G6PC3: variants seen among roughly 807,000 people sequenced by gnomAD.
G6PC3 encodes the protein glucose-6-phosphatase catalytic subunit 3, also known as glucose-6-phosphatase 3.
A neutral mutation model predicts 38.6 loss-of-function variants in G6PC3; 30 were observed. The ratio of observed to expected loss-of-function variants is 0.78; its 90% CI spans 0.58 to 1.05. G6PC3 has a LOEUF of 1.05. Among genes scored for constraint, G6PC3 ranks in the 50% least tolerant of loss-of-function variants. The pLI is 0.00. For missense variants in G6PC3, 377 were observed against 443.1 expected (o/e 0.85, Z 1.34); for synonymous variants, 192 against 178.1 (o/e 1.08, Z -0.62).
At position 44,074,178 on chromosome 17, in the gene G6PC3, G is replaced by A. The variant is rs1468267643; in HGVS notation, c.237G>A (p.Arg79=). The change falls in exon 2 of 6, where the codon AGG becomes AGA. Residue 79 remains arginine, a synonymous_variant. Transcript: ENST00000269097. ...LIFKWFLFGD[R]PFWWVHESGY... ...CTTCCAGGTTTCTTTTTGGAGACAGGCCCTTTTGGTGGGTCCATGAGTCTG... is the reference window on the plus strand; with the variant it reads ...CTTCCAGGTTTCTTTTTGGAGACAGACCCTTTTGGTGGGTCCATGAGTCTG... The A allele has an allele frequency of 1.9e-6, 3 of 1,613,440 alleles. No individual in the cohort carries two copies. The highest frequency in any genetic ancestry group is 3.3e-5 in the Admixed American group (2 of 59,970).
At chr17:44,074,320 C>A in intron 2 of G6PC3, 54 bp downstream of exon 2, 1 of 1,361,220 alleles carries the variant, frequency 7.3e-7, no homozygotes, top group Non-Finnish European at 1.1e-6. Context: ...TTCGGGTGAA[C>A]ATTTCAGAGT....
intron 1 of G6PC3, chr17:44,073,679 C>G (rs1271039797): frequency 1.1e-5 from 2 of 184,710 alleles, no homozygotes; most frequent in East Asian, 1.4e-4. Context: ...CCAGGCTATT[C>G]TCGAACTCCT....
rs145419406 is a variant in G6PC3 at position 44,075,032 on chromosome 17, G to A, written c.480G>A (p.Ser160=). The part of the protein sequence containing the change: ...YCTFLLAVGL[S]RIFILAHFPH... ...CCTTCCTTTTGGCGGTTGGCTTGTC[G>A]CGAATCTTCATCTTAGCACATTTCC... The change falls in exon 4 of 6, where the codon TCG becomes TCA. Residue 160 remains serine (S), a synonymous_variant. Transcript: ENST00000269097. 21 of 1,614,128 alleles carry A rather than the reference G, an allele frequency of 1.3e-5. No homozygotes were observed. In the East Asian group the frequency reaches 2.2e-4, roughly 17 times the overall value.
chr17:44,071,436 G>A (rs904983818), intron 1 of G6PC3: 60 of 655,142 alleles, frequency 9.2e-5, no homozygotes, highest in Non-Finnish European at 1.3e-4. Context: ...TGTCTAAAAT[G>A]TAAATATCCC....
rs1445690474 is a variant in G6PC3 at position 44,071,049 on chromosome 17, G to C, written c.84G>C (p.Trp28Cys). The C allele has an allele frequency of 1.2e-6, 2 of 1,604,942 alleles. No homozygotes were observed. The highest frequency in any genetic ancestry group is 2.7e-5 in the African/African-American group (2 of 74,810). ...CCTGGCTGGAGAACGTGTGGCTCTGGATCACCTTTCTGGGCGATCCCAAGA... is the reference window on the plus strand; with the variant it reads ...CCTGGCTGGAGAACGTGTGGCTCTGCATCACCTTTCTGGGCGATCCCAAGA... ...QLAWLENVWL[W>C]ITFLGDPKIL... is the part of the protein sequence containing the mutation. Residue 28 changes from tryptophan to cysteine, a missense_variant, in exon 1 of 6, where the codon TGG (tryptophan) becomes TGC (cysteine). Trp to Cys is a radical substitution (Grantham distance 215). Transcript: ENST00000269097.
Position 44,074,555 on chromosome 17 carries a change from T to C in G6PC3, c.326-125T>C, listed in dbSNP as rs2050039106. 18 of 829,816 alleles carry C rather than the reference T, an allele frequency of 2.2e-5. No homozygotes were observed. The South Asian group carries it at 2.5e-4, about 12-fold the overall frequency. 51.4% of individuals were successfully genotyped at this position (829,816 alleles called of 1,614,324 possible). Reference sequence around the variant, plus strand: ...AAAAAGGCCTCAGAGCAGAGCGAGTTATGAATCAGTGCTGGGGAAAAGCTC... The same window carrying C: ...AAAAAGGCCTCAGAGCAGAGCGAGTCATGAATCAGTGCTGGGGAAAAGCTC... On this transcript the variant is annotated intron_variant, in intron 2 of 5. Transcript: ENST00000269097.
In G6PC3 at chr17:44,071,149, C is replaced by G; in HGVS notation, c.184C>G (p.Leu62Val). Residue 62 changes from leucine (L) to valine (V), a missense_variant, in exon 1 of 6, where the codon CTC (leucine) becomes GTC (valine). By Grantham distance (32) the Leu-to-Val change is conservative. Transcript: ENST00000269097. The stretch of plus-strand genomic sequence containing the variant: ...GGGCATCGCGGTGCTCTGGATCAGC[C>G]TCATCACCGAGTGGCTCAACCTCAT... Reference protein sequence around the residue: ...RVGIAVLWISLITEWLNLIFK... With the variant: ...RVGIAVLWISVITEWLNLIFK... 6.2e-7 allele frequency: 1 copy of G among 1,613,944 alleles called. No individual in the cohort carries two copies. The highest frequency in any genetic ancestry group is 8.5e-7 in the Non-Finnish European group (1 of 1,180,004).
chr17:44,075,016 T>C lies in G6PC3; in HGVS notation c.464T>C (p.Leu155Ser). Residue 155 changes from leucine (L) to serine (S), a missense_variant, in exon 4 of 6, where the codon TTG becomes TCG. Coordinates refer to ENST00000269097, the MANE Select transcript of G6PC3 (RefSeq NM_138387.4). Reference sequence around the variant, plus strand: ...AGCCTGGCTTATTGCACCTTCCTTTTGGCGGTTGGCTTGTCGCGAATCTTC... The same window carrying C: ...AGCCTGGCTTATTGCACCTTCCTTTCGGCGGTTGGCTTGTCGCGAATCTTC... ...MPSLAYCTFL[L>S]AVGLSRIFIL... is the part of the protein sequence containing the mutation. The C allele has an allele frequency of 6.2e-7, 1 of 1,614,210 alleles. No homozygotes were observed. The highest frequency in any genetic ancestry group is 8.5e-7 in the Non-Finnish European group (1 of 1,180,030).
intron 1 of G6PC3, chr17:44,071,860 C>T: frequency 2.4e-6 from 1 of 409,104 alleles, no homozygotes; most frequent in Non-Finnish European, 4.9e-6. Context: ...GCACTGCTTT[C>T]CAGGGAACAC....
chr17:44,070,916 C>T lies in G6PC3; in HGVS notation c.-50C>T, dbSNP rs1032244015. On this transcript the variant is annotated 5_prime_UTR_variant, in exon 1 of 6. Transcript: ENST00000269097. The stretch of plus-strand genomic sequence containing the variant: ...TCGACGCTGCTTCGTTGCCTGGACT[C>T]TGGTTTCCGCCCTGGAGCAAGCCGG... The T allele has an allele frequency of 1.3e-6, 2 of 1,540,590 alleles. No individual in the cohort carries two copies. Among genetic ancestry groups the T allele is most frequent in the East Asian group, 4.9e-5 (2 of 40,896 alleles).
At chr17:44,075,586 C>T in intron 5 of G6PC3, 94 bp from the exon 6 acceptor site, 1 of 1,601,434 alleles carries the variant, frequency 6.2e-7, no homozygotes. Flanking sequence ...AGGCACAAAA[C>T]AGAACATGGG....
rs150477295 is a variant in G6PC3, at chr17:44,071,134, G to A, written c.169G>A (p.Val57Met). 1.1e-4 allele frequency: 179 copies of A among 1,613,906 alleles called. No homozygotes were observed. Among genetic ancestry groups the A allele is most frequent in the Non-Finnish European group, 1.5e-4 (174 of 1,180,016 alleles). The change falls in exon 1 of 6, where the codon GTG becomes ATG. Residue 57 changes from valine (V) to methionine (M), a missense_variant. Val to Met is a conservative substitution (Grantham distance 21). Transcript: ENST00000269097. ...YYASRRVGIA[V>M]LWISLITEWL... Reference sequence around the variant, plus strand: ...CGCCTCCCGCCGTGTGGGCATCGCGGTGCTCTGGATCAGCCTCATCACCGA... The same window carrying A: ...CGCCTCCCGCCGTGTGGGCATCGCGATGCTCTGGATCAGCCTCATCACCGA...
chr17:44,072,294 G>C (rs1251350741), intron 1 of G6PC3: 3 of 149,272 alleles, frequency 2.0e-5, no homozygotes, highest in Non-Finnish European at 4.4e-5. Context: ...TGTCCCCCAA[G>C]TGGCAAAGTC....
chr17:44,073,874 A>G, intron 1 of G6PC3: 1 of 405,680 alleles, frequency 2.5e-6, no homozygotes, highest in Non-Finnish European at 4.6e-6. Context: ...GATTACAGTC[A>G]TGAGCCACTG....
intron 5 of G6PC3, 68 bp downstream of exon 5, chr17:44,075,519 G>T (rs1269251533): frequency 1.5e-5 from 24 of 1,608,460 alleles, no homozygotes; most frequent in Admixed American, 6.7e-5. Flanking sequence ...AGCCTGGTGT[G>T]TCTCTGGTTC....
At chr17:44,074,616 A>G (rs994079065) in intron 2 of G6PC3, 64 bp from the exon 3 acceptor site, 21 of 1,386,714 alleles carry the variant, frequency 1.5e-5, no homozygotes, top group Non-Finnish European at 2.2e-5. Flanking sequence ...TTATTGAGGC[A>G]TCACCAGGGG....
rs200050824 is a variant in G6PC3 at position 44,074,761 on chromosome 17, G to A, written c.407G>A (p.Arg136Gln). Residue 136 changes from arginine (R) to glutamine (Q), a missense_variant, in exon 3 of 6, where the codon CGG becomes CAG. Physicochemically the swap from Arg to Gln is conservative, Grantham distance 43. Transcript: ENST00000269097. ...MTALSSQVAT[R>Q]ARSRWVRVMP... ...GCCCTGTCTTCGCAGGTGGCCACTCGGGCCCGCAGGTATACCCTTGGCATT... is the reference window on the plus strand; with the variant it reads ...GCCCTGTCTTCGCAGGTGGCCACTCAGGCCCGCAGGTATACCCTTGGCATT... 7.6e-5 allele frequency: 123 copies of A among 1,613,654 alleles called. No individual in the cohort carries two copies. Among genetic ancestry groups the A allele is most frequent in the Non-Finnish European group, 9.7e-5 (114 of 1,179,872 alleles).
intron 2 of G6PC3, 111 bp from the exon 3 acceptor site, chr17:44,074,569 G>A (rs2050039680): frequency 3.3e-6 from 3 of 903,198 alleles, no homozygotes; most frequent in Admixed American, 3.8e-5. Flanking sequence ...AATCAGTGCT[G>A]GGGAAAAGCT....
chr17:44,071,647 C>T (rs757122269), intron 1 of G6PC3: 6 of 1,283,424 alleles, frequency 4.7e-6, no homozygotes, highest in Non-Finnish European at 6.1e-6. Flanking sequence ...TTGTGCTGGG[C>T]ATCACGGTAG....
Sources: allele counts gnomAD v4.1 joint callset, GRCh38; gene constraint gnomAD v4.1.1; transcripts MANE v1.5; gene names NCBI Gene and HGNC (gene_info 2026-07-23, HGNC 2026-07-21).